The following ANKRD11 variants were observed in gnomAD, a reference collection of about 807,000 sequenced individuals.
The protein encoded by ANKRD11 is ankyrin repeat domain 11.
A neutral mutation model predicts 195.7 loss-of-function variants in ANKRD11; 17 were observed. The observed-to-expected ratio is 0.09, with a 90% CI of 0.06 to 0.13. The LOEUF is 0.13. Ranked by LOEUF, ANKRD11 falls within the 10% of genes least tolerant of loss-of-function variation. The pLI is 1.00. For missense variants in ANKRD11, 3,735 were observed against 3,566.1 expected (o/e 1.05, Z -1.21); for synonymous variants, 1,953 against 1,528.1 (o/e 1.28, Z -6.49).
At chr16:89,477,071 C>A (rs558671698) in intron 1 of ANKRD11, among the ~76,000 whole-genome samples, 5 of 152,296 alleles carry the variant, frequency 3.3e-5, no homozygotes, top group Admixed American at 2.6e-4. Flanking sequence ...GAAAAAGGTT[C>A]TCCTTTGGTC....
intron 9 of ANKRD11, among the ~76,000 whole-genome samples, chr16:89,275,445 C>T (rs1046111086): frequency 1.3e-5 from 2 of 152,190 alleles, no homozygotes; most frequent in Admixed American, 6.5e-5. Context: ...GGGAGAGGCG[C>T]GGGACAGTAT....
At chr16:89,332,247 T>G (rs1406292745) in intron 2 of ANKRD11, among the ~76,000 whole-genome samples, 1 of 152,120 alleles carries the variant, frequency 6.6e-6, no homozygotes, top group Non-Finnish European at 1.5e-5. Flanking sequence ...ACAAGCAGAC[T>G]ATAAACACTG....
chr16:89,375,626 A>G (rs3102337), intron 2 of ANKRD11, among the ~76,000 whole-genome samples: 92,540 of 151,798 alleles, frequency 0.61, 28,348 homozygotes, highest in Middle Eastern at 0.75. Context: ...GTTAATTTTT[A>G]AATTTTTAGT....
intron 1 of ANKRD11, among the ~76,000 whole-genome samples, chr16:89,474,460 T>TAA (rs764794916): frequency 7.0e-6 from 1 of 142,888 alleles, no homozygotes; most frequent in Non-Finnish European, 1.5e-5. Flanking sequence ...CTACCTTATG[T>TAA]AAAAAAAAAA....
chr16:89,382,299 G>A (rs747649957), intron 2 of ANKRD11, among the ~76,000 whole-genome samples: 1 of 151,382 alleles, frequency 6.6e-6, no homozygotes, highest in Non-Finnish European at 1.5e-5. Flanking sequence ...AAACTAGACA[G>A]CCAGGCACCC....
At chr16:89,452,412 C>T (rs994534277) in intron 1 of ANKRD11, among the ~76,000 whole-genome samples, 2 of 152,186 alleles carry the variant, frequency 1.3e-5, no homozygotes, top group Non-Finnish European at 2.9e-5. Context: ...CCAGGAACCC[C>T]AAGTTCTCTC....
At chr16:89,374,051 A>G (rs1650767930) in intron 2 of ANKRD11, among the ~76,000 whole-genome samples, 1 of 152,210 alleles carries the variant, frequency 6.6e-6, no homozygotes, top group Non-Finnish European at 1.5e-5. Context: ...TGGAGACAAC[A>G]CGCAAGTGTG....
chr16:89,356,112 T>C (rs1043674117), intron 2 of ANKRD11, among the ~76,000 whole-genome samples: 2 of 152,218 alleles, frequency 1.3e-5, no homozygotes, highest in African/African-American at 2.4e-5. Context: ...TGGAAAACCT[T>C]AGTTACTATG....
chr16:89,434,871 G>A (rs2043146575), intron 1 of ANKRD11, among the ~76,000 whole-genome samples: 1 of 152,200 alleles, frequency 6.6e-6, no homozygotes, highest in Admixed American at 6.5e-5. Context: ...TGCTCTAACT[G>A]GTGAGACTGC....
chr16:89,383,455 T>A (rs1315353937), intron 2 of ANKRD11, among the ~76,000 whole-genome samples: 1 of 152,156 alleles, frequency 6.6e-6, no homozygotes, highest in Non-Finnish European at 1.5e-5. Flanking sequence ...GTATCTACCC[T>A]CCCTGATGGG....
At chr16:89,471,905 A>C (rs1260321681) in intron 1 of ANKRD11, among the ~76,000 whole-genome samples, 1 of 151,900 alleles carries the variant, frequency 6.6e-6, no homozygotes, top group African/African-American at 2.4e-5. Flanking sequence ...TCCCCCAGTT[A>C]CCAGGTCCTG....
At chr16:89,415,846 A>AAAAAAAAT (rs1448507066) in intron 2 of ANKRD11, among the ~76,000 whole-genome samples, 7 of 146,484 alleles carry the variant, frequency 4.8e-5, no homozygotes, top group African/African-American at 1.8e-4. Context: ...AAAAAAAAAA[A>AAAAAAAAT]AAAACAATGG....
Position 89,305,290 on chromosome 16 carries a change from C to T in ANKRD11, c.142G>A (p.Gly48Arg), listed in dbSNP as rs1366375142. Residue 48 changes from glycine to arginine, a missense_variant, in exon 4 of 13, where the codon GGG (glycine) becomes AGG (arginine). Coordinates refer to ENST00000301030, the MANE Select transcript of ANKRD11 (RefSeq NM_013275.6). The stretch of plus-strand genomic sequence containing the variant: ...CTGGCTCGCTCCCTCACCTCCTTCC[C>T]GCCATCGCCACGCTCCAGTTTTGGG... The part of the protein sequence containing the change: ...KTPKLERGDG[G>R]KEVRERASKR... 1.9e-5 allele frequency: 31 copies of T among 1,613,876 alleles called. No individual in the cohort carries two copies. The highest frequency in any genetic ancestry group is 2.5e-5 in the Non-Finnish European group (29 of 1,179,920).
intron 1 of ANKRD11, among the ~76,000 whole-genome samples, chr16:89,436,471 T>A (rs919549068): frequency 3.3e-5 from 5 of 151,234 alleles, no homozygotes; most frequent in African/African-American, 1.2e-4. Flanking sequence ...CAACAAGAGA[T>A]TCAAGCAGAA....
At chr16:89,379,380 A>T (rs538150881) in intron 2 of ANKRD11, among the ~76,000 whole-genome samples, 1 of 152,222 alleles carries the variant, frequency 6.6e-6, no homozygotes, top group Non-Finnish European at 1.5e-5. Flanking sequence ...GGCTTTCATT[A>T]TATGTCGAAA....
intron 2 of ANKRD11, among the ~76,000 whole-genome samples, chr16:89,350,528 T>C (rs2039159623): frequency 6.6e-6 from 1 of 152,120 alleles, no homozygotes. Flanking sequence ...AAAAGGAAGA[T>C]GAAACACACC....
intron 4 of ANKRD11, among the ~76,000 whole-genome samples, chr16:89,292,428 C>T (rs2035122529): frequency 6.6e-6 from 1 of 152,218 alleles, no homozygotes; most frequent in Admixed American, 6.5e-5. Flanking sequence ...ACCATGGTCC[C>T]CGTGAATGTG....
chr16:89,285,218 G>A lies in ANKRD11; in HGVS notation c.1324C>T (p.Pro442Ser), dbSNP rs2034565058. ...TILPGSKTRE[P>S]SNAKQQKEKN... Reference sequence around the variant, plus strand: ...TCCTTCTGCTGCTTGGCATTAGAAGGCTCTCGTGTCTTACTACCAGGCAAT... The same window carrying A: ...TCCTTCTGCTGCTTGGCATTAGAAGACTCTCGTGTCTTACTACCAGGCAAT... Residue 442 changes from proline to serine, a missense_variant, in exon 9 of 13, where the codon CCT becomes TCT. Coordinates refer to ENST00000301030, the MANE Select transcript of ANKRD11 (RefSeq NM_013275.6). The surrounding 1 kb of genome is among the most constrained non-coding windows in gnomAD (Gnocchi z 5.6). 1 of 1,613,680 alleles carries A rather than the reference G, an allele frequency of 6.2e-7. No homozygotes were observed. The highest frequency in any genetic ancestry group is 8.5e-7 in the Non-Finnish European group (1 of 1,180,024).
chr16:89,489,734 G>A (rs1597579343), intron 1 of ANKRD11, among the ~76,000 whole-genome samples: 1 of 109,650 alleles, frequency 9.1e-6, no homozygotes, highest in Non-Finnish European at 2.0e-5. Flanking sequence ...CTGCAGGCCC[G>A]CCCCGAAGCC....
Sources: allele counts gnomAD v4.1 joint callset (sites outside exome capture counted in the v4.1 genomes callset), GRCh38; gene constraint gnomAD v4.1.1; non-coding constraint Gnocchi (gnomAD v3.1); transcripts MANE v1.5; gene names NCBI Gene and HGNC (gene_info 2026-07-23, HGNC 2026-07-21).